Variants in ZCCHC14 observed in about 807,000 individuals in gnomAD.
The protein encoded by ZCCHC14 is zinc finger CCHC domain-containing protein 14.
ZCCHC14 carries 16 observed loss-of-function variants against 85.0 expected under a neutral mutation model. That is an observed-to-expected ratio of 0.19 (90% CI 0.13 to 0.29). The LOEUF is 0.29. Among genes scored for constraint, ZCCHC14 ranks in the 10% least tolerant of loss-of-function variants. ZCCHC14 has a pLI of 1.00. For missense variants in ZCCHC14, 1,303 were observed against 1,443.5 expected, an observed-to-expected ratio of 0.90 and a Z score of 1.58; for synonymous variants, 775 against 630.7, an observed-to-expected ratio of 1.23 and a Z score of -3.43.
chr16:87,415,922 G>C (rs1169514154), intron 8 of ZCCHC14, among the ~76,000 whole-genome samples: 1 of 151,518 alleles, frequency 6.6e-6, no homozygotes, highest in Non-Finnish European at 1.5e-5. Flanking sequence ...TTTTGTTTTT[G>C]TTTGTTTGTT....
intron 8 of ZCCHC14, among the ~76,000 whole-genome samples, chr16:87,416,642 G>A (rs564771928): frequency 6.6e-6 from 1 of 152,072 alleles, no homozygotes; most frequent in African/African-American, 2.4e-5. Context: ...TGTAATCCCA[G>A]CTATTCAGGA....
At chr16:87,432,816 C>T (rs1349699451) in intron 3 of ZCCHC14, among the ~76,000 whole-genome samples, 1 of 152,210 alleles carries the variant, frequency 6.6e-6, no homozygotes, top group Non-Finnish European at 1.5e-5. Flanking sequence ...GCCCCGGGTT[C>T]TGTGTGCGCT....
At position 87,460,043 on chromosome 16, in the gene ZCCHC14, G is replaced by A. The variant is rs150405961; in HGVS notation, c.659C>T (p.Ser220Leu). The A allele has an allele frequency of 2.0e-4, 326 of 1,613,994 alleles. No homozygotes were observed. The highest frequency in any genetic ancestry group is 2.7e-4 in the Non-Finnish European group (315 of 1,180,014). Residue 220 changes from serine to leucine, a missense_variant, in exon 2 of 13, where the codon TCG (serine) becomes TTG (leucine). This residue lies in a region of ZCCHC14 where 389 missense variants were observed against 397.8 expected (regional missense o/e 0.98). Coordinates refer to ENST00000671377, the MANE Select transcript of ZCCHC14 (RefSeq NM_015144.3). ...TTTTCCTAAGGGCCTCTTGGGCAGCGACTCCTCCGTGGAATGTGCTGATGT... is the reference window on the plus strand; with the variant it reads ...TTTTCCTAAGGGCCTCTTGGGCAGCAACTCCTCCGTGGAATGTGCTGATGT... ...LHTSAHSTEE[S>L]LPKRPLGKHS...
chr16:87,447,752 A>G (rs1413904802), intron 2 of ZCCHC14, among the ~76,000 whole-genome samples: 1 of 152,242 alleles, frequency 6.6e-6, no homozygotes, highest in Non-Finnish European at 1.5e-5. Context: ...TATAAGATAC[A>G]TTTATCACTT....
rs182868049 is a variant in ZCCHC14 at position 87,486,596 on chromosome 16, C to T, written c.570+5073G>A. Among the ~76,000 whole-genome samples the T allele has an allele frequency of 4.6e-3, 703 of 152,142 alleles. 3 individuals are homozygous for T. The highest frequency in any genetic ancestry group is 0.016 in the African/African-American group (646 of 41,452). On this transcript the variant is annotated intron_variant, in intron 1 of 12. Transcript: ENST00000671377. ...GCACATGACTGTATGCCTCAATTCC[C>T]GTATCATGTACTGTACTTTACTATG...
In ZCCHC14 at chr16:87,408,760, C is replaced by T. The variant is rs1260579957; in HGVS notation, c.*1520G>A. ...CAAATTGAACGCTCACATCACAAGG[C>T]CTCATTCTAGGGTATTCTTCTGATT... On this transcript the variant is annotated 3_prime_UTR_variant, in exon 13 of 13. Transcript: ENST00000671377. 2 of 152,422 alleles carry T rather than the reference C, an allele frequency of 1.3e-5. No homozygotes were observed. Among genetic ancestry groups the T allele is most frequent in the African/African-American group, 2.4e-5 (1 of 41,446 alleles). The allele number at this position is 152,422 out of a possible 1,614,324, so 9.4% of individuals were successfully genotyped here.
At chr16:87,439,036 G>A (rs144022181) in intron 2 of ZCCHC14, among the ~76,000 whole-genome samples, 2 of 152,160 alleles carry the variant, frequency 1.3e-5, no homozygotes, top group South Asian at 2.1e-4. Context: ...GACAAGCCAC[G>A]AACATTACCA....
chr16:87,431,527 C>T (rs1236633858), intron 3 of ZCCHC14, among the ~76,000 whole-genome samples: 2 of 151,734 alleles, frequency 1.3e-5, no homozygotes, highest in African/African-American at 4.8e-5. Context: ...AAGCTATGGC[C>T]GGTCAGGTTG....
At chr16:87,484,578 T>C (rs1192860607) in intron 1 of ZCCHC14, among the ~76,000 whole-genome samples, 1 of 152,194 alleles carries the variant, frequency 6.6e-6, no homozygotes, top group Non-Finnish European at 1.5e-5. Flanking sequence ...TGAAAGAACA[T>C]GTGAACATAT....
In ZCCHC14 at chr16:87,491,194, C is replaced by T. The variant is rs1349143980; in HGVS notation, c.570+475G>A. 1.3e-5 allele frequency among the ~76,000 whole-genome samples: 2 copies of T among 152,248 alleles called. No individual in the cohort carries two copies. Among genetic ancestry groups the T allele is most frequent in the Non-Finnish European group, 2.9e-5 (2 of 68,046 alleles). ...TGGGACTGTGAGCTCTGACCGCGGA[C>T]GTCTCCCGCACCGCTCCCGCGGATC... On this transcript the variant is annotated intron_variant, in intron 1 of 12. Coordinates refer to ENST00000671377, the MANE Select transcript of ZCCHC14 (RefSeq NM_015144.3). This position sits in a 1 kb window ranked among gnomAD's most constrained non-coding sequence, Gnocchi z 5.9.
rs763172164 is a variant in ZCCHC14, at chr16:87,412,983, A to AG, written c.1745-8dup. 2 of 1,613,090 alleles carry AG rather than the reference A, an allele frequency of 1.2e-6. No individual in the cohort carries two copies. Among genetic ancestry groups the AG allele is most frequent in the Non-Finnish European group, 1.7e-6 (2 of 1,179,542 alleles). ...TCCAAGTGAATCTCCACACCTAGAG[A>AG]GGGAAACAAGAGTGGTCAGTGCCAT... On this transcript the variant is annotated splice_region_variant and splice_polypyrimidine_tract_variant and intron_variant, in intron 11 of 12. Transcript: ENST00000671377.
At position 87,412,579 on chromosome 16, in the gene ZCCHC14, C is replaced by T. The variant is rs779571799; in HGVS notation, c.2142G>A (p.Gly714=). Residue 714 remains glycine, a synonymous_variant, in exon 12 of 13, where the codon GGG becomes GGA. Transcript: ENST00000671377. The part of the protein sequence containing the change: ...APHQPVQVLS[G]LSESSSMSPT... ...GTGACATGGAGCTGCTCTCCGAAAG[C>T]CCAGAGAGGACCTGCACAGGCTGGT... is the stretch of plus-strand genomic sequence containing the variant. 5.6e-6 allele frequency: 9 copies of T among 1,614,026 alleles called. No homozygotes were observed. The highest frequency in any genetic ancestry group is 6.8e-6 in the Non-Finnish European group (8 of 1,180,034).
Position 87,492,283 on chromosome 16 carries a change from G to C in ZCCHC14, c.-45C>G, listed in dbSNP as rs1597190907. 5.2e-6 allele frequency: 5 copies of C among 970,222 alleles called. No homozygotes were observed. The Admixed American group carries it at 3.2e-4, about 62-fold the overall frequency. The allele number at this position is 970,222 out of a possible 1,614,324, so 60.1% of individuals were successfully genotyped here. A position where few individuals can be genotyped will look rare whatever the true frequency, so the allele number is the denominator to read the frequency against. ...CGCGACCCGGGGCCGGGGACCGCGCGGGGGCGGCCGGGGGGCGCCGGGGGC... is the reference window on the plus strand; with the variant it reads ...CGCGACCCGGGGCCGGGGACCGCGCCGGGGCGGCCGGGGGGCGCCGGGGGC... On this transcript the variant is annotated 5_prime_UTR_variant, in exon 1 of 13. Transcript: ENST00000671377. The surrounding 1 kb of genome is among the most constrained non-coding windows in gnomAD (Gnocchi z 6.7).
At chr16:87,418,641 A>C (rs1465153888) in intron 7 of ZCCHC14, among the ~76,000 whole-genome samples, 3 of 152,208 alleles carry the variant, frequency 2.0e-5, no homozygotes, top group Non-Finnish European at 2.9e-5. Context: ...ACTGGGGAGG[A>C]GTCCCTGGGA....
chr16:87,425,779 CGT>C (rs1414252071), intron 3 of ZCCHC14, among the ~76,000 whole-genome samples: 1 of 152,172 alleles, frequency 6.6e-6, no homozygotes, highest in Admixed American at 6.5e-5. Context: ...CTGCTGACAG[CGT>C]GTCTCTTTCA....
At chr16:87,459,541 C>A (rs2150758446) in intron 2 of ZCCHC14, among the ~76,000 whole-genome samples, 1 of 147,964 alleles carries the variant, frequency 6.8e-6, no homozygotes, top group Non-Finnish European at 1.5e-5. Flanking sequence ...CGGAGTTTTG[C>A]TCTTGTTGCC....
In ZCCHC14 at chr16:87,491,125, A is replaced by G. The variant is rs945594493; in HGVS notation, c.570+544T>C. 2.7e-4 allele frequency among the ~76,000 whole-genome samples: 41 copies of G among 152,374 alleles called. No homozygotes were observed. Among genetic ancestry groups the G allele is most frequent in the Non-Finnish European group, 4.9e-4 (33 of 68,038 alleles). ...CCCAAGGGCCCCATTAAGGGGACAA[A>G]GGCCTTATCGCGTTTGCAGCCGGCT... On this transcript the variant is annotated intron_variant, in intron 1 of 12. Transcript: ENST00000671377. The surrounding 1 kb of genome is among the most constrained non-coding windows in gnomAD (Gnocchi z 5.9).
chr16:87,484,009 G>A (rs1912404144), intron 1 of ZCCHC14, among the ~76,000 whole-genome samples: 1 of 152,230 alleles, frequency 6.6e-6, no homozygotes, highest in Non-Finnish European at 1.5e-5. Context: ...GACTGACAGA[G>A]AAGCCTCATC....
intron 2 of ZCCHC14, among the ~76,000 whole-genome samples, chr16:87,440,987 G>A (rs948565876): frequency 1.3e-5 from 2 of 150,744 alleles, no homozygotes; most frequent in African/African-American, 4.9e-5. Flanking sequence ...TTATACATAT[G>A]CGACTGTTCC....
Sources: gnomAD v4.1 joint callset for allele counts (sites outside exome capture counted in the v4.1 genomes callset) on GRCh38, gnomAD v4.1.1 for gene constraint, gnomAD v4.1.1 regional missense constraint, Gnocchi (gnomAD v3.1) non-coding constraint, MANE v1.5 for transcripts, NCBI Gene and HGNC (gene_info 2026-07-23, HGNC 2026-07-21) for gene names.